The following SCMH1 variants were observed in gnomAD, a reference collection of about 807,000 sequenced individuals.
SCMH1 encodes polycomb protein SCMH1.
A neutral mutation model predicts 70.8 loss-of-function variants in SCMH1; 37 were observed. That is an observed-to-expected ratio of 0.52 (90% CI 0.40 to 0.69). The LOEUF is 0.69. SCMH1 is among the 30% of genes least tolerant of loss of function. The probability of loss-of-function intolerance (pLI) is 0.00; values close to 1 mark genes in which losing one functional copy is unlikely to be tolerated. For missense variants in SCMH1, 607 were observed against 827.3 expected (o/e 0.73, Z 3.27); for synonymous variants, 292 against 307.4 (o/e 0.95, Z 0.52).
chr1:41,106,407 T>C (rs1031110239), intron 8 of SCMH1, among the ~76,000 whole-genome samples: 36 of 151,612 alleles, frequency 2.4e-4, no homozygotes, highest in African/African-American at 8.8e-4. Flanking sequence ...CTACCATGAG[T>C]AAAAGCTCCC....
intron 2 of SCMH1, among the ~76,000 whole-genome samples, chr1:41,181,056 C>T (rs1389999292): frequency 6.6e-6 from 1 of 152,148 alleles, no homozygotes; most frequent in African/African-American, 2.4e-5. Context: ...TATCTACAAC[C>T]ATCTGATCTT....
intron 10 of SCMH1, among the ~76,000 whole-genome samples, chr1:41,069,763 A>G (rs1310183691): frequency 6.6e-6 from 1 of 152,222 alleles, no homozygotes; most frequent in Non-Finnish European, 1.5e-5. Context: ...ACAATGGTCA[A>G]TGAAGACTAT....
intron 12 of SCMH1, among the ~76,000 whole-genome samples, chr1:41,041,866 CAG>C (rs755408211): frequency 6.6e-6 from 1 of 152,202 alleles, no homozygotes; most frequent in Non-Finnish European, 1.5e-5. Flanking sequence ...ACAGCAGACT[CAG>C]AGTTTAATGC....
intron 8 of SCMH1, among the ~76,000 whole-genome samples, chr1:41,086,992 A>C (rs1661895299): frequency 6.6e-6 from 1 of 152,184 alleles, no homozygotes; most frequent in Non-Finnish European, 1.5e-5. Flanking sequence ...GCAGACATTA[A>C]AATACAAAGC....
chr1:41,151,269 G>GA, intron 5 of SCMH1, among the ~76,000 whole-genome samples: 2 of 152,328 alleles, frequency 1.3e-5, no homozygotes, highest in South Asian at 4.1e-4. Flanking sequence ...TACAGAGAAA[G>GA]AAATACTGCT....
At chr1:41,049,556 G>A (rs562755327) in intron 10 of SCMH1, among the ~76,000 whole-genome samples, 2 of 151,558 alleles carry the variant, frequency 1.3e-5, no homozygotes, top group Admixed American at 6.6e-5. Context: ...TGGATCACGA[G>A]GTCAGGAGTT....
chr1:41,208,581 A>G (rs1656215963), intron 1 of SCMH1, among the ~76,000 whole-genome samples: 1 of 152,218 alleles, frequency 6.6e-6, no homozygotes, highest in Admixed American at 6.5e-5. Flanking sequence ...AACTCACTCA[A>G]AACCACACAA....
chr1:41,158,694 G>T (rs564781852), intron 4 of SCMH1, among the ~76,000 whole-genome samples: 44 of 152,282 alleles, frequency 2.9e-4, no homozygotes, highest in Admixed American at 1.9e-3. Context: ...TCAAGCGTTT[G>T]GGGTGAAGTC....
chr1:41,216,757 G>A (rs1395082739), intron 1 of SCMH1, among the ~76,000 whole-genome samples: 1 of 152,214 alleles, frequency 6.6e-6, no homozygotes. Flanking sequence ...TGTACTCACT[G>A]TTTTGCACCG....
At chr1:41,220,837 T>C (rs1659107439) in intron 1 of SCMH1, among the ~76,000 whole-genome samples, 1 of 152,228 alleles carries the variant, frequency 6.6e-6, no homozygotes, top group Admixed American at 6.5e-5. Context: ...GCATACTCAG[T>C]CCTTTTCCAA....
chr1:41,032,727 CGCAGCACTTT>C (rs1300279789), intron 13 of SCMH1, among the ~76,000 whole-genome samples: 1 of 152,116 alleles, frequency 6.6e-6, no homozygotes, highest in Non-Finnish European at 1.5e-5. Flanking sequence ...TGCCTGTAAT[CGCAGCACTTT>C]GGGAGGCCGA....
chr1:41,094,784 G>A (rs11582011), intron 8 of SCMH1, among the ~76,000 whole-genome samples: 11,874 of 151,854 alleles, frequency 0.078, 599 homozygotes, highest in South Asian at 0.13. Flanking sequence ...AGCTAATCAG[G>A]TGGCTAAGGC....
At chr1:41,050,391 C>T (rs1347725895) in intron 10 of SCMH1, among the ~76,000 whole-genome samples, 1 of 152,102 alleles carries the variant, frequency 6.6e-6, no homozygotes, top group Non-Finnish European at 1.5e-5. Context: ...ATTGTGTGGC[C>T]CGTGGATGGA....
At chr1:41,042,758 T>A (rs1251181101) in intron 12 of SCMH1, among the ~76,000 whole-genome samples, 1 of 152,208 alleles carries the variant, frequency 6.6e-6, no homozygotes, top group Non-Finnish European at 1.5e-5. Context: ...CTGTCTCAGC[T>A]CTTTGAGCAC....
intron 2 of SCMH1, among the ~76,000 whole-genome samples, chr1:41,178,777 A>T (rs376256537): frequency 1.3e-5 from 2 of 152,162 alleles, no homozygotes; most frequent in Non-Finnish European, 2.9e-5. Flanking sequence ...CTCCCACACA[A>T]TAATAATGGG....
chr1:41,131,437 A>G (rs1674677986), intron 6 of SCMH1, among the ~76,000 whole-genome samples: 2 of 152,192 alleles, frequency 1.3e-5, no homozygotes, highest in African/African-American at 4.8e-5. Context: ...TGGGATTTTG[A>G]TAGGGACTGC....
intron 8 of SCMH1, among the ~76,000 whole-genome samples, chr1:41,103,504 A>T (rs150026405): frequency 6.6e-6 from 1 of 152,310 alleles, no homozygotes; most frequent in East Asian, 1.9e-4. Flanking sequence ...CCTGAAAATC[A>T]CCAACACTTA....
intron 6 of SCMH1, among the ~76,000 whole-genome samples, chr1:41,139,093 C>T (rs1479360405): frequency 1.3e-5 from 2 of 152,028 alleles, no homozygotes; most frequent in African/African-American, 4.8e-5. Flanking sequence ...TTCCCTTCAA[C>T]GTTAAGTCTC....
At chr1:41,163,244 G>GC (rs953225470) in intron 2 of SCMH1, among the ~76,000 whole-genome samples, 1 of 138 alleles carries the variant, frequency 7.2e-3, no homozygotes, top group African/African-American at 0.026. Context: ...ACCTGGAGCT[G>GC]CCCACTTGCG....
Sources: allele counts gnomAD v4.1 joint callset (sites outside exome capture counted in the v4.1 genomes callset), GRCh38; gene constraint gnomAD v4.1.1; transcripts MANE v1.5; gene names NCBI Gene and HGNC (gene_info 2026-07-23, HGNC 2026-07-21).